ARHGAP10: variants seen among roughly 807,000 people sequenced by gnomAD.
ARHGAP10 encodes the protein rho GTPase-activating protein 10.
Under a neutral mutation model 108.6 loss-of-function variants are expected in ARHGAP10, and 87 were observed. The ratio of observed to expected loss-of-function variants is 0.80; its 90% CI spans 0.67 to 0.96. The LOEUF (loss-of-function observed/expected upper bound fraction) is 0.96, where lower values mean the gene tolerates loss of function less well. Among genes scored for constraint, ARHGAP10 ranks in the 40% least tolerant of loss-of-function variants. The pLI is 0.00. For missense variants in ARHGAP10, 939 were observed against 954.5 expected (o/e 0.98, Z 0.21); for synonymous variants, 347 against 341.1 (o/e 1.02, Z -0.19).
At chr4:147,838,316 A>G (rs1201339646) in intron 3 of ARHGAP10, among the ~76,000 whole-genome samples, 5 of 152,156 alleles carry the variant, frequency 3.3e-5, no homozygotes, top group Non-Finnish European at 7.4e-5. Flanking sequence ...TAAAAAACTT[A>G]TTCCTGAACC....
chr4:147,983,980 T>C (rs559603432), intron 18 of ARHGAP10, among the ~76,000 whole-genome samples: 46 of 152,304 alleles, frequency 3.0e-4, no homozygotes, highest in African/African-American at 9.6e-4. Context: ...GATTTTTTTA[T>C]TCTTTTTGTC....
chr4:147,840,749 T>C (rs902743946), intron 3 of ARHGAP10, among the ~76,000 whole-genome samples: 12 of 152,222 alleles, frequency 7.9e-5, no homozygotes, highest in South Asian at 2.1e-4. Flanking sequence ...AGATTGCTTA[T>C]CCCAGGCAAA....
At chr4:147,871,140 A>T (rs1734808401) in intron 7 of ARHGAP10, among the ~76,000 whole-genome samples, 1 of 151,914 alleles carries the variant, frequency 6.6e-6, no homozygotes, top group South Asian at 2.1e-4. Context: ...TTGTATTTTT[A>T]GTAGAGACGG....
intron 13 of ARHGAP10, among the ~76,000 whole-genome samples, chr4:147,931,133 C>G (rs998339427): frequency 1.8e-4 from 28 of 152,160 alleles, no homozygotes; most frequent in Admixed American, 3.3e-4. Flanking sequence ...GAGTAGTGCT[C>G]TATGACAGTG....
At position 147,991,169 on chromosome 4, in the gene ARHGAP10, A is replaced by AG. The variant is rs1270335291; in HGVS notation, c.1716+24331dup. On this transcript the variant is annotated intron_variant, in intron 18 of 22. Coordinates refer to ENST00000336498, the MANE Select transcript of ARHGAP10 (RefSeq NM_024605.4). ...CTAAAAAAAAAAAAAAATAAATAAAAGAAAACAAATAGAAGTCTTTCCATT... is the reference window on the plus strand; with the variant it reads ...CTAAAAAAAAAAAAAAATAAATAAAAGGAAAACAAATAGAAGTCTTTCCATT... Among the ~76,000 whole-genome samples, 26 of 151,728 alleles carry AG rather than the reference A, an allele frequency of 1.7e-4. No homozygotes were observed. In the East Asian group the frequency reaches 4.8e-3, roughly 28 times the overall value.
chr4:147,832,290 C>T (rs112396444), intron 3 of ARHGAP10, among the ~76,000 whole-genome samples: 4 of 151,988 alleles, frequency 2.6e-5, no homozygotes, highest in African/African-American at 7.2e-5. Context: ...ATGGTATAGC[C>T]TTGAAAACAA....
chr4:147,829,825 A>G (rs1465115521), intron 3 of ARHGAP10, among the ~76,000 whole-genome samples: 3 of 152,208 alleles, frequency 2.0e-5, no homozygotes, highest in Non-Finnish European at 4.4e-5. Flanking sequence ...TTCTTTTATC[A>G]GATCATTGAG....
chr4:147,838,276 T>C (rs536969822), intron 3 of ARHGAP10, among the ~76,000 whole-genome samples: 2 of 152,176 alleles, frequency 1.3e-5, no homozygotes, highest in African/African-American at 2.4e-5. Flanking sequence ...GCCAAAAGTA[T>C]ATGTTAGCAG....
At chr4:147,877,834 T>TG (rs1735138241) in intron 8 of ARHGAP10, among the ~76,000 whole-genome samples, 1 of 151,538 alleles carries the variant, frequency 6.6e-6, no homozygotes, top group African/African-American at 2.4e-5. Flanking sequence ...TTTTTTTTTT[T>TG]GCTGAGATTA....
intron 13 of ARHGAP10, among the ~76,000 whole-genome samples, chr4:147,922,043 G>C (rs1262442191): frequency 2.6e-5 from 4 of 152,034 alleles, no homozygotes; most frequent in Admixed American, 6.6e-5. Flanking sequence ...CTGCACCTCC[G>C]ACATCTCTCA....
intron 18 of ARHGAP10, among the ~76,000 whole-genome samples, chr4:147,989,382 C>T (rs536805120): frequency 5.9e-5 from 9 of 152,320 alleles, no homozygotes; most frequent in African/African-American, 1.7e-4. Flanking sequence ...TGAGATCAAC[C>T]GGTCTGACCA....
intron 14 of ARHGAP10, among the ~76,000 whole-genome samples, chr4:147,942,051 C>T (rs2126964560): frequency 6.6e-6 from 1 of 152,204 alleles, no homozygotes; most frequent in Non-Finnish European, 1.5e-5. Flanking sequence ...TCCAACTTTT[C>T]CCATTTTGCT....
intron 1 of ARHGAP10, among the ~76,000 whole-genome samples, chr4:147,786,669 T>C (rs1231971069): frequency 6.6e-6 from 1 of 152,182 alleles, no homozygotes; most frequent in East Asian, 1.9e-4. Flanking sequence ...GTCGTGCATA[T>C]GGGATGGCAT....
intron 18 of ARHGAP10, among the ~76,000 whole-genome samples, chr4:147,999,924 G>C (rs575773234): frequency 4.2e-4 from 61 of 146,310 alleles, no homozygotes; most frequent in African/African-American, 1.6e-3. Context: ...CCTATTAACA[G>C]TGTTTTTTTT....
Position 148,072,204 on chromosome 4 carries a change from A to G in ARHGAP10, c.*123A>G, listed in dbSNP as rs1283714293. 5 of 702,966 alleles carry G rather than the reference A, an allele frequency of 7.1e-6. No individual in the cohort carries two copies. In the African/African-American group the frequency reaches 9.1e-5, roughly 13 times the overall value. The allele number at this position is 702,966 out of a possible 1,614,324, so 43.5% of individuals were successfully genotyped here. A position where few individuals can be genotyped will look rare whatever the true frequency, so the allele number is the denominator to read the frequency against. ...GGTACCTCCACACTTGGGAGTTACC[A>G]TCATCACAGTCAGCCCTGGGGGTGG... On this transcript the variant is annotated 3_prime_UTR_variant, in exon 23 of 23. Coordinates refer to ENST00000336498, the MANE Select transcript of ARHGAP10 (RefSeq NM_024605.4).
chr4:147,998,463 A>G (rs1209577627), intron 18 of ARHGAP10, among the ~76,000 whole-genome samples: 2 of 152,252 alleles, frequency 1.3e-5, no homozygotes, highest in Non-Finnish European at 1.5e-5. Context: ...TCTACACCAT[A>G]GTGAAGGAAA....
Position 148,072,260 on chromosome 4 carries a change from A to G in ARHGAP10, c.*179A>G. 1 of 530,102 alleles carries G rather than the reference A, an allele frequency of 1.9e-6. No individual in the cohort carries two copies. The allele number at this position is 530,102 out of a possible 1,614,324, so 32.8% of individuals were successfully genotyped here. A position where few individuals can be genotyped will look rare whatever the true frequency, so the allele number is the denominator to read the frequency against. On this transcript the variant is annotated 3_prime_UTR_variant, in exon 23 of 23. Coordinates refer to ENST00000336498, the MANE Select transcript of ARHGAP10 (RefSeq NM_024605.4). ...GGTGGGCAGGGATGGGACGCACCAC[A>G]CAGAACTGTGATTGTGGATCAGGAG...
At chr4:148,056,292 A>C (rs1276836051) in intron 20 of ARHGAP10, among the ~76,000 whole-genome samples, 4 of 152,170 alleles carry the variant, frequency 2.6e-5, no homozygotes, top group Non-Finnish European at 5.9e-5. Context: ...GGTGATTTTC[A>C]GTGTAAGCTT....
At chr4:147,932,954 T>A (rs1323989199) in intron 13 of ARHGAP10, among the ~76,000 whole-genome samples, 1 of 152,208 alleles carries the variant, frequency 6.6e-6, no homozygotes, top group Non-Finnish European at 1.5e-5. Flanking sequence ...AATACTTAAA[T>A]AACCTGATTT....
Sources: gnomAD v4.1 joint callset for allele counts (sites outside exome capture counted in the v4.1 genomes callset) on GRCh38, gnomAD v4.1.1 for gene constraint, MANE v1.5 for transcripts, NCBI Gene and HGNC (gene_info 2026-07-23, HGNC 2026-07-21) for gene names.